Variants in SGCG observed in about 807,000 individuals in gnomAD.
SGCG encodes the protein gamma-sarcoglycan.
A neutral mutation model predicts 29.3 loss-of-function variants in SGCG; 26 were observed. The ratio of observed to expected loss-of-function variants is 0.89; its 90% CI spans 0.65 to 1.23. The LOEUF (loss-of-function observed/expected upper bound fraction) is 1.23. SGCG is among the 50% of genes most tolerant of loss of function. The pLI is 0.00. For missense variants in SGCG, 353 were observed against 356.0 expected, an observed-to-expected ratio of 0.99 and a Z score of 0.07; for synonymous variants, 145 against 129.7, an observed-to-expected ratio of 1.12 and a Z score of -0.80.
intron 3 of SGCG, among the ~76,000 whole-genome samples, chr13:23,235,720 G>C (rs539468200): frequency 1.3e-5 from 2 of 152,146 alleles, no homozygotes; most frequent in African/African-American, 4.8e-5. Context: ...ACTTCACCCA[G>C]CTATAACTTT....
intron 5 of SGCG, among the ~76,000 whole-genome samples, chr13:23,285,040 T>C (rs1016265925): frequency 5.9e-5 from 9 of 152,206 alleles, no homozygotes; most frequent in African/African-American, 1.9e-4. Context: ...ATGAGGTGTC[T>C]GTCGACCCCT....
At chr13:23,223,901 G>A (rs1298452224) in intron 2 of SGCG, among the ~76,000 whole-genome samples, 1 of 152,168 alleles carries the variant, frequency 6.6e-6, no homozygotes, top group African/African-American at 2.4e-5. Flanking sequence ...GGGAGGTGGA[G>A]GTTGCAGTGA....
Position 23,324,805 on chromosome 13 carries a change from C to T in SGCG, c.*264C>T, listed in dbSNP as rs955250065. The T allele has an allele frequency of 6.1e-5, 28 of 458,294 alleles. No individual in the cohort carries two copies. Among genetic ancestry groups the T allele is most frequent in the Non-Finnish European group, 1.0e-4 (25 of 246,814 alleles). 28.4% of individuals were successfully genotyped at this position (458,294 alleles called of 1,614,324 possible). A position where few individuals can be genotyped will look rare whatever the true frequency, so the allele number is the denominator to read the frequency against. On this transcript the variant is annotated 3_prime_UTR_variant, in exon 8 of 8. Coordinates refer to ENST00000218867, the MANE Select transcript of SGCG (RefSeq NM_000231.3). ...GGATTAATTTTCACCGGAACAATTG[C>T]GAATTCTCTCTGCCTCGCCTCCCCC...
At chr13:23,250,748 T>C in intron 4 of SGCG, 31 bp downstream of exon 4, 1 of 1,275,368 alleles carries the variant, frequency 7.8e-7, no homozygotes. Context: ...GTGCTTTGCA[T>C]GCATGTTGTC....
chr13:23,314,705 G>GT lies in SGCG; in HGVS notation c.579-5932_579-5931insT, dbSNP rs1882742118. On this transcript the variant is annotated intron_variant, in intron 6 of 7. Transcript: ENST00000218867. ...TGAGATATTTGTGTGCCAGAGGATG[G>GT]GAAATACATCCAACTAAAATTCAGG... is the stretch of plus-strand genomic sequence containing the variant. 6.6e-5 allele frequency among the ~76,000 whole-genome samples: 10 copies of GT among 152,050 alleles called. No individual in the cohort carries two copies. The South Asian group carries it at 1.7e-3, about 25-fold the overall frequency.
intron 6 of SGCG, among the ~76,000 whole-genome samples, chr13:23,309,636 T>C (rs939599264): frequency 6.6e-6 from 1 of 152,224 alleles, no homozygotes; most frequent in South Asian, 2.1e-4. Context: ...ATGTCTGCTA[T>C]AGGTTTTTGG....
At chr13:23,213,967 A>G (rs1465202234) in intron 2 of SGCG, among the ~76,000 whole-genome samples, 2 of 152,244 alleles carry the variant, frequency 1.3e-5, no homozygotes, top group African/African-American at 2.4e-5. Flanking sequence ...AAACTTGGCC[A>G]TGAAAGGAAC....
intron 4 of SGCG, among the ~76,000 whole-genome samples, chr13:23,275,142 T>TATATAG (rs1336045794): frequency 4.7e-5 from 7 of 148,016 alleles, no homozygotes; most frequent in Admixed American, 4.7e-4. Flanking sequence ...TATATATATA[T>TATATAG]AGAAATGAGG....
At chr13:23,209,846 G>A (rs1878124917) in intron 2 of SGCG, among the ~76,000 whole-genome samples, 1 of 152,176 alleles carries the variant, frequency 6.6e-6, no homozygotes, top group Admixed American at 6.5e-5. Context: ...TAACTGCTGT[G>A]TTTTGTCATT....
At chr13:23,266,742 TTC>T in intron 4 of SGCG, among the ~76,000 whole-genome samples, 3 of 152,138 alleles carry the variant, frequency 2.0e-5, no homozygotes, top group African/African-American at 7.2e-5. Context: ...CTCTTCTCTC[TTC>T]TCTCTCTCTT....
At chr13:23,293,755 T>C (rs1881803288) in intron 5 of SGCG, among the ~76,000 whole-genome samples, 8 of 151,288 alleles carry the variant, frequency 5.3e-5, no homozygotes, top group Non-Finnish European at 1.5e-5. Context: ...TTGCTTGAAC[T>C]GGGAGGCGGA....
intron 6 of SGCG, among the ~76,000 whole-genome samples, chr13:23,307,098 C>T (rs1008762944): frequency 2.0e-4 from 31 of 152,058 alleles, no homozygotes; most frequent in African/African-American, 7.5e-4. Context: ...CTTCTAATTC[C>T]TTTTAAGATT....
intron 6 of SGCG, among the ~76,000 whole-genome samples, chr13:23,318,330 T>C (rs1040640261): frequency 6.6e-6 from 1 of 151,666 alleles, no homozygotes; most frequent in African/African-American, 2.4e-5. Context: ...ACATCTTTAA[T>C]TGAACTAATG....
At chr13:23,272,104 A>G (rs1880895424) in intron 4 of SGCG, among the ~76,000 whole-genome samples, 1 of 152,200 alleles carries the variant, frequency 6.6e-6, no homozygotes, top group South Asian at 2.1e-4. Flanking sequence ...CTGCAAATAT[A>G]CAATGTTACT....
At chr13:23,174,843 C>T in the SGCG span, among the ~76,000 whole-genome samples, 1 of 151,906 alleles carries the variant, frequency 6.6e-6, no homozygotes, top group African/African-American at 2.4e-5. Flanking sequence ...TCAAGCTGGT[C>T]AAATCACAGG....
intron 3 of SGCG, among the ~76,000 whole-genome samples, chr13:23,237,145 T>A (rs1185193386): frequency 6.6e-6 from 1 of 152,202 alleles, no homozygotes; most frequent in Admixed American, 6.5e-5. Context: ...TACTCTGGCC[T>A]CTAACATCTG....
chr13:23,279,469 C>G lies in SGCG; in HGVS notation c.496C>G (p.Arg166Gly), dbSNP rs1881219252. 1.2e-6 allele frequency: 2 copies of G among 1,612,864 alleles called. No homozygotes were observed. Among genetic ancestry groups the G allele is most frequent in the Non-Finnish European group, 1.7e-6 (2 of 1,179,270 alleles). Residue 166 changes from arginine to glycine, a missense_variant, in exon 5 of 8, where the codon CGA (arginine) becomes GGA (glycine). Coordinates refer to ENST00000218867, the MANE Select transcript of SGCG (RefSeq NM_000231.3). ...KEVVVGTDKL[R>G]VTGPEGALFE... is the part of the protein sequence containing the mutation. ...AGTTGTGGTTGGTACAGATAAACTTCGAGTAACTGGTATGTACTAACTCGA... is the reference window on the plus strand; with the variant it reads ...AGTTGTGGTTGGTACAGATAAACTTGGAGTAACTGGTATGTACTAACTCGA...
intron 1 of SGCG, among the ~76,000 whole-genome samples, chr13:23,188,707 G>A (rs1226359665): frequency 6.6e-6 from 1 of 152,122 alleles, no homozygotes; most frequent in Non-Finnish European, 1.5e-5. Context: ...GCTGTTCTGA[G>A]AATGTCCAAA....
rs777393184 is a variant in SGCG at position 23,320,788 on chromosome 13, A to G, written c.702+28A>G. ...GAGTTCATTCACAGATCAGCCTCCTACTGTATGTCCTGATGATATTCCTGA... is the reference window on the plus strand; with the variant it reads ...GAGTTCATTCACAGATCAGCCTCCTGCTGTATGTCCTGATGATATTCCTGA... On this transcript the variant is annotated intron_variant, in intron 7 of 7. Coordinates refer to ENST00000218867, the MANE Select transcript of SGCG (RefSeq NM_000231.3). The G allele has an allele frequency of 8.1e-6, 13 of 1,605,696 alleles. No homozygotes were observed. The Admixed American group carries it at 2.2e-4, about 27-fold the overall frequency.
Sources: allele counts gnomAD v4.1 joint callset (sites outside exome capture counted in the v4.1 genomes callset), GRCh38; gene constraint gnomAD v4.1.1; transcripts MANE v1.5; gene names NCBI Gene and HGNC (gene_info 2026-07-23, HGNC 2026-07-21).